Variants in CCDC80 observed in about 807,000 individuals in gnomAD.
CCDC80 encodes the protein coiled-coil domain containing 80.
Under a neutral mutation model 78.7 loss-of-function variants are expected in CCDC80, and 49 were observed. The observed-to-expected ratio is 0.62, with a 90% CI of 0.50 to 0.79. The LOEUF is 0.79. Ranked by LOEUF, CCDC80 falls within the 30% of genes least tolerant of loss-of-function variation. CCDC80 has a pLI of 0.00. For synonymous variants in CCDC80, 488 were observed against 447.0 expected, an observed-to-expected ratio of 1.09 and a Z score of -1.16; for missense variants, 1,205 against 1,198.6, an observed-to-expected ratio of 1.01 and a Z score of -0.08.
At chr3:112,618,838 C>T in intron 4 of CCDC80, 130 bp downstream of exon 4, 1 of 963,102 alleles carries the variant, frequency 1.0e-6, no homozygotes, top group Admixed American at 2.9e-5. Flanking sequence ...AAAATTTGGC[C>T]CATCTCAAAA....
At chr3:112,635,988 C>A (rs879789071) in intron 2 of CCDC80, among the ~76,000 whole-genome samples, 1 of 152,164 alleles carries the variant, frequency 6.6e-6, no homozygotes, top group African/African-American at 2.4e-5. Context: ...CACAAACTAG[C>A]GGCAATGGGA....
At position 112,598,169 on chromosome 3, in the gene CCDC80, G is replaced by A. The variant is rs1013705968; in HGVS notation, c.*7248C>T. The A allele has an allele frequency of 6.6e-6, 1 of 152,130 alleles. No homozygotes were observed. Among genetic ancestry groups the A allele is most frequent in the African/African-American group, 2.4e-5 (1 of 41,424 alleles). The allele number at this position is 152,130 out of a possible 1,614,324, so 9.4% of individuals were successfully genotyped here. A position where few individuals can be genotyped will look rare whatever the true frequency, so the allele number is the denominator to read the frequency against. Reference sequence around the variant, plus strand: ...GCACTCTAAAGATAGTTCATAAAAAGCAAGCCAAAGATAGAAAAGAGAGCT... The same window carrying A: ...GCACTCTAAAGATAGTTCATAAAAAACAAGCCAAAGATAGAAAAGAGAGCT... On this transcript the variant is annotated 3_prime_UTR_variant, in exon 8 of 8. Coordinates refer to ENST00000206423, the MANE Select transcript of CCDC80 (RefSeq NM_199511.3).
At position 112,639,511 on chromosome 3, in the gene CCDC80, A is replaced by T; in HGVS notation, c.395T>A (p.Phe132Tyr). The T allele has an allele frequency of 6.2e-7, 1 of 1,614,176 alleles. No homozygotes were observed. The highest frequency in any genetic ancestry group is 8.5e-7 in the Non-Finnish European group (1 of 1,180,024). ...GSSARSRMLR[F>Y]PSGSSSPNIL... ...GTTGGGAGAGCTGGACCCCGAAGGGAAACGCAACATTCTTGACCGAGCTGA... is the reference window on the plus strand; with the variant it reads ...GTTGGGAGAGCTGGACCCCGAAGGGTAACGCAACATTCTTGACCGAGCTGA... The change falls in exon 2 of 8, where the codon TTC becomes TAC. Residue 132 changes from phenylalanine (F) to tyrosine (Y), a missense_variant. By Grantham distance (22) the Phe-to-Tyr change is conservative (BLOSUM62 3). Transcript: ENST00000206423.
intron 5 of CCDC80, 188 bp from the exon 6 acceptor site, chr3:112,610,269 T>C: frequency 3.3e-6 from 2 of 604,086 alleles, no homozygotes; most frequent in Non-Finnish European, 5.9e-6. Context: ...GTAGTTTTTC[T>C]GTTGTAACTT....
chr3:112,607,120 G>T (rs764903914), intron 7 of CCDC80, 56 bp downstream of exon 7: 2 of 1,310,278 alleles, frequency 1.5e-6, no homozygotes, highest in African/African-American at 2.9e-5. Flanking sequence ...ATAACTTAAT[G>T]TAATTTAACT....
Position 112,639,242 on chromosome 3 carries a change from G to C in CCDC80, c.664C>G (p.Leu222Val). The C allele has an allele frequency of 1.2e-6, 2 of 1,614,166 alleles. No individual in the cohort carries two copies. The highest frequency in any genetic ancestry group is 1.7e-6 in the Non-Finnish European group (2 of 1,180,008). The change falls in exon 2 of 8, where the codon CTG becomes GTG. Residue 222 changes from leucine to valine, a missense_variant. By Grantham distance (32) the Leu-to-Val change is conservative (BLOSUM62 1). Coordinates refer to ENST00000206423, the MANE Select transcript of CCDC80 (RefSeq NM_199511.3). ...QPLDPSLIPK[L>V]MSFLKLEKGK... ...TTCTCCAGCTTCAGGAAGCTCATCA[G>C]CTTAGGGATGAGGCTAGGGTCCAGG...
Position 112,638,585 on chromosome 3 carries a change from T to G in CCDC80, c.1321A>C (p.Ser441Arg). The G allele has an allele frequency of 1.2e-6, 2 of 1,613,928 alleles. No individual in the cohort carries two copies. The highest frequency in any genetic ancestry group is 1.7e-6 in the Non-Finnish European group (2 of 1,179,996). ...GTGGTGGGAGGGGCATTTGTGAAGC[T>G]CTCCAAGCTGGTGGCCTTGCTGGGC... ...RRPSKATSLE[S>R]FTNAPPTTIS... Residue 441 changes from serine (S) to arginine (R), a missense_variant, in exon 2 of 8, where the codon AGC (serine) becomes CGC (arginine). Transcript: ENST00000206423.
intron 2 of CCDC80, among the ~76,000 whole-genome samples, chr3:112,633,674 C>T (rs146624913): frequency 5.3e-4 from 80 of 152,298 alleles, no homozygotes; most frequent in Admixed American, 1.6e-3. Flanking sequence ...GGTGAAAACA[C>T]TCTCCCTTAC....
intron 3 of CCDC80, among the ~76,000 whole-genome samples, chr3:112,622,010 G>A (rs72942099): frequency 0.022 from 3,343 of 152,220 alleles, 119 homozygotes; most frequent in African/African-American, 0.075. Context: ...AACCCAATCT[G>A]TCACAGACCC....
chr3:112,616,450 A>AG (rs1559876730), intron 5 of CCDC80, among the ~76,000 whole-genome samples: 1 of 27,154 alleles, frequency 3.7e-5, no homozygotes, highest in Non-Finnish European at 6.7e-5. Flanking sequence ...AAAAGAAAAG[A>AG]AAAAAAAAAA....
chr3:112,625,369 T>A (rs1935944056), intron 3 of CCDC80, among the ~76,000 whole-genome samples: 1 of 152,226 alleles, frequency 6.6e-6, no homozygotes, highest in South Asian at 2.1e-4. Flanking sequence ...CAGACTACAT[T>A]TTCTATTTAG....
At chr3:112,636,000 A>G (rs181832954) in intron 2 of CCDC80, among the ~76,000 whole-genome samples, 20 of 152,354 alleles carry the variant, frequency 1.3e-4, no homozygotes, top group African/African-American at 4.6e-4. Context: ...GCAATGGGAA[A>G]TATTTGCCAG....
chr3:112,609,988 C>T lies in CCDC80; in HGVS notation c.2415G>A (p.Ala805=), dbSNP rs774986920. ...TGGCTTCCCACTCACCAAAATTGCA[C>T]GCCTGACCACTGAGGGCAGAGAGCT... ...SQQLSALSGQ[A]CNFGLRHITI... Residue 805 remains alanine (A), a synonymous_variant, in exon 6 of 8, where the codon GCG becomes GCA. Transcript: ENST00000206423. 8.1e-6 allele frequency: 13 copies of T among 1,613,040 alleles called. No individual in the cohort carries two copies. The highest frequency in any genetic ancestry group is 6.7e-5 in the African/African-American group (5 of 74,840).
In CCDC80 at chr3:112,639,372, C is replaced by T. The variant is rs1286588758; in HGVS notation, c.534G>A (p.Glu178=). 1.9e-6 allele frequency: 3 copies of T among 1,614,066 alleles called. No individual in the cohort carries two copies. The highest frequency in any genetic ancestry group is 2.5e-6 in the Non-Finnish European group (3 of 1,180,052). ...MSLLKDDVYC[E]LAERHIQQIV... ...TCTGTTGGATGTGCCTCTCCGCCAG[C>T]TCACAGTACACATCGTCCTTCAGCA... The change falls in exon 2 of 8, where the codon GAG becomes GAA. Residue 178 remains glutamate, a synonymous_variant. Transcript: ENST00000206423.
chr3:112,639,621 C>T lies in CCDC80; in HGVS notation c.285G>A (p.Ser95=). Residue 95 remains serine, a synonymous_variant, in exon 2 of 8, where the codon TCG becomes TCA. Transcript: ENST00000206423. The part of the protein sequence containing the change: ...LARPTEPPAR[S]DINGAAVRPE... ...GTCTCACGGCGGCCCCATTGATGTCCGAGCGGGCTGGCGGCTCTGTTGGGC... is the reference window on the plus strand; with the variant it reads ...GTCTCACGGCGGCCCCATTGATGTCTGAGCGGGCTGGCGGCTCTGTTGGGC... 6 of 1,614,080 alleles carry T rather than the reference C, an allele frequency of 3.7e-6. No homozygotes were observed. Among genetic ancestry groups the T allele is most frequent in the Non-Finnish European group, 5.1e-6 (6 of 1,180,024 alleles).
In CCDC80 at chr3:112,601,178, G is replaced by C. The variant is rs1935367031; in HGVS notation, c.*4239C>G. 7 of 152,152 alleles carry C rather than the reference G, an allele frequency of 4.6e-5. No homozygotes were observed. In the South Asian group the frequency reaches 1.4e-3, roughly 32 times the overall value. 9.4% of individuals were successfully genotyped at this position (152,152 alleles called of 1,614,324 possible). ...ATGGAAAATGAATGGCAGAATAAGT[G>C]ATTTGTCAAGTTCATTGAACTATAA... On this transcript the variant is annotated 3_prime_UTR_variant, in exon 8 of 8. Coordinates refer to ENST00000206423, the MANE Select transcript of CCDC80 (RefSeq NM_199511.3).
intron 3 of CCDC80, among the ~76,000 whole-genome samples, chr3:112,627,419 C>T (rs1321993533): frequency 2.0e-5 from 3 of 152,122 alleles, no homozygotes; most frequent in Admixed American, 6.5e-5. Context: ...AGTTTCTTGG[C>T]GTTTGTAGGT....
chr3:112,636,648 G>A (rs529202735), intron 2 of CCDC80, among the ~76,000 whole-genome samples: 11 of 152,292 alleles, frequency 7.2e-5, no homozygotes, highest in African/African-American at 1.9e-4. Flanking sequence ...ATTATTAACC[G>A]AAATTTAGGC....
At chr3:112,605,912 G>T in intron 7 of CCDC80, 149 bp from the exon 8 acceptor site, 1 of 688,474 alleles carries the variant, frequency 1.5e-6, no homozygotes, top group Non-Finnish European at 2.4e-6. Context: ...AGTTTGCTGG[G>T]GCTTTTTCTA....
Sources: allele counts gnomAD v4.1 joint callset (sites outside exome capture counted in the v4.1 genomes callset), GRCh38; gene constraint gnomAD v4.1.1; transcripts MANE v1.5; gene names NCBI Gene and HGNC (gene_info 2026-07-23, HGNC 2026-07-21).